The following METTL15 variants were observed in gnomAD, a reference collection of about 807,000 sequenced individuals.
The protein encoded by METTL15 is 12S rRNA N(4)-cytidine methyltransferase METTL15.
In METTL15, 34 loss-of-function variants were observed where a neutral mutation model predicts 38.3. The observed-to-expected ratio is 0.89, with a 90% CI of 0.68 to 1.18. The LOEUF (loss-of-function observed/expected upper bound fraction) is 1.18, where lower values mean the gene tolerates loss of function less well. Among genes scored for constraint, METTL15 ranks in the 50% most tolerant of loss-of-function variants. The probability of loss-of-function intolerance (pLI) is 0.00; values close to 1 mark genes in which losing one functional copy is unlikely to be tolerated. For synonymous variants in METTL15, 162 were observed against 170.9 expected (o/e 0.95, Z 0.41); for missense variants, 438 against 498.4 (o/e 0.88, Z 1.15).
At chr11:28,299,055 C>A (rs1030621799) in intron 6 of METTL15, among the ~76,000 whole-genome samples, 7 of 152,054 alleles carry the variant, frequency 4.6e-5, no homozygotes, top group Admixed American at 1.3e-4. Context: ...AGTGAAAATT[C>A]TCTTTCCTAT....
intron 3 of METTL15, among the ~76,000 whole-genome samples, chr11:28,121,567 C>A (rs12804198): frequency 0.25 from 37,644 of 151,960 alleles, 4,908 homozygotes; most frequent in African/African-American, 0.29. Context: ...TTGAGAATGA[C>A]AACATGTTAT....
chr11:28,199,232 TACTTAGA>T (rs1269366087), intron 3 of METTL15, among the ~76,000 whole-genome samples: 9 of 152,160 alleles, frequency 5.9e-5, no homozygotes, highest in Admixed American at 5.9e-4. Flanking sequence ...TTTAAAAGTA[TACTTAGA>T]ACTTAGTGTT....
At chr11:28,121,758 T>C (rs959379128) in intron 3 of METTL15, among the ~76,000 whole-genome samples, 102 of 152,228 alleles carry the variant, frequency 6.7e-4, no homozygotes, top group African/African-American at 2.3e-3. Flanking sequence ...ATGAAAACTT[T>C]TAAAGCATAT....
intron 6 of METTL15, among the ~76,000 whole-genome samples, chr11:28,307,243 T>C (rs1857113843): frequency 6.6e-6 from 1 of 151,968 alleles, no homozygotes; most frequent in Non-Finnish European, 1.5e-5. Context: ...TTACCTCTCC[T>C]AATACATAAT....
chr11:28,383,411 G>C (rs1564914439), intron 5 of METTL15, among the ~76,000 whole-genome samples: 1 of 152,118 alleles, frequency 6.6e-6, no homozygotes, highest in South Asian at 2.1e-4. Flanking sequence ...ATTGTGAATA[G>C]TGCTGGAATA....
intron 6 of METTL15, among the ~76,000 whole-genome samples, chr11:28,433,256 C>A (rs1306373593): frequency 6.6e-6 from 1 of 150,394 alleles, no homozygotes; most frequent in African/African-American, 2.4e-5. Flanking sequence ...ACTTTCTTCT[C>A]ATTTCTTCAT....
intron 6 of METTL15, among the ~76,000 whole-genome samples, chr11:28,297,731 T>A (rs978086541): frequency 2.0e-5 from 3 of 152,158 alleles, no homozygotes; most frequent in African/African-American, 7.2e-5. Context: ...TGTTGAACCA[T>A]CTGAAACCCT....
chr11:28,386,851 G>A (rs1260501100), intron 5 of METTL15, among the ~76,000 whole-genome samples: 1 of 151,930 alleles, frequency 6.6e-6, no homozygotes, highest in East Asian at 1.9e-4. Context: ...TTGAACTCAT[G>A]CCAAATATCT....
chr11:28,370,809 C>A (rs1318596965), intron 5 of METTL15, among the ~76,000 whole-genome samples: 1 of 151,786 alleles, frequency 6.6e-6, no homozygotes, highest in Non-Finnish European at 1.5e-5. Context: ...AATAGTGATG[C>A]TGAACATTTT....
chr11:28,439,619 AG>A (rs1851016740), intron 6 of METTL15, among the ~76,000 whole-genome samples: 1 of 152,124 alleles, frequency 6.6e-6, no homozygotes, highest in African/African-American at 2.4e-5. Context: ...GGAGGAGAAA[AG>A]GTACTCTGTG....
At chr11:28,461,441 C>T (rs184210952) in intron 6 of METTL15, among the ~76,000 whole-genome samples, 11 of 152,144 alleles carry the variant, frequency 7.2e-5, no homozygotes, top group African/African-American at 2.6e-4. Context: ...ACATTAGCAA[C>T]TTTATTAAGG....
intron 4 of METTL15, among the ~76,000 whole-genome samples, chr11:28,268,114 G>T (rs1362113224): frequency 7.1e-6 from 1 of 141,622 alleles, no homozygotes; most frequent in Non-Finnish European, 1.5e-5. Flanking sequence ...GGAGAATGGC[G>T]TGAACCCGAG....
intron 4 of METTL15, among the ~76,000 whole-genome samples, chr11:28,359,750 C>T (rs1220469609): frequency 1.3e-5 from 2 of 152,142 alleles, no homozygotes; most frequent in Non-Finnish European, 2.9e-5. Flanking sequence ...TGTTTTGCAA[C>T]TCACCAGAAA....
intron 6 of METTL15, among the ~76,000 whole-genome samples, chr11:28,506,659 T>C (rs1851629529): frequency 6.6e-6 from 1 of 152,024 alleles, no homozygotes; most frequent in African/African-American, 2.4e-5. Flanking sequence ...AACTGTGGCC[T>C]GTATCCCTTT....
intron 3 of METTL15, among the ~76,000 whole-genome samples, chr11:28,165,962 A>T (rs1333690840): frequency 6.6e-6 from 1 of 151,730 alleles, no homozygotes; most frequent in Non-Finnish European, 1.5e-5. Flanking sequence ...GTGTGGGTTT[A>T]TTTCTGGGCT....
Position 28,116,292 on chromosome 11 carries a change from C to T in METTL15, c.270+2688C>T, listed in dbSNP as rs149065143. Among the ~76,000 whole-genome samples the T allele has an allele frequency of 8.5e-5, 13 of 152,090 alleles. No individual in the cohort carries two copies. In the East Asian group the frequency reaches 2.5e-3, roughly 29 times the overall value. On this transcript the variant is annotated intron_variant, in intron 3 of 6. Transcript: ENST00000407364. ...ACTTTCTGATATGTATATTCATTCA[C>T]AAGAGAAAAAAGTATTGTAGATTGT... is the stretch of plus-strand genomic sequence containing the variant.
At chr11:28,124,088 G>A (rs1355418221) in intron 3 of METTL15, among the ~76,000 whole-genome samples, 1 of 152,076 alleles carries the variant, frequency 6.6e-6, no homozygotes, top group Non-Finnish European at 1.5e-5. Flanking sequence ...AAGAAGGACA[G>A]GAAATGTCTC....
At chr11:28,235,488 G>C (rs896063553) in intron 4 of METTL15, among the ~76,000 whole-genome samples, 15 of 152,142 alleles carry the variant, frequency 9.9e-5, no homozygotes, top group Non-Finnish European at 2.1e-4. Flanking sequence ...TCCTTGAGCA[G>C]TGGTTTGTAG....
At chr11:28,337,141 G>A (rs145579747), downstream of METTL15, among the ~76,000 whole-genome samples, 3 of 152,186 alleles carry the variant, frequency 2.0e-5, no homozygotes, top group Admixed American at 6.5e-5. Flanking sequence ...TTTTTGTACA[G>A]CATGTTTGTG....
Sources: gnomAD v4.1 joint callset for allele counts (sites outside exome capture counted in the v4.1 genomes callset) on GRCh38, gnomAD v4.1.1 for gene constraint, MANE v1.5 for transcripts, NCBI Gene and HGNC (gene_info 2026-07-23, HGNC 2026-07-21) for gene names.